The following MAGI2 variants were observed in gnomAD, a reference collection of about 807,000 sequenced individuals.
MAGI2 encodes the protein membrane-associated guanylate kinase, WW and PDZ domain-containing protein 2.
A neutral mutation model predicts 133.3 loss-of-function variants in MAGI2; 35 were observed. The observed-to-expected ratio is 0.26, with a 90% CI of 0.20 to 0.35. The LOEUF is 0.35. Among genes scored for constraint, MAGI2 ranks in the 10% least tolerant of loss-of-function variants. MAGI2 has a pLI of 1.00. For synonymous variants in MAGI2, 729 were observed against 710.6 expected, an observed-to-expected ratio of 1.03 and a Z score of -0.41; for missense variants, 1,636 against 1,863.4, an observed-to-expected ratio of 0.88 and a Z score of 2.25.
At chr7:79,099,570 C>T (rs1486209226) in intron 1 of MAGI2, among the ~76,000 whole-genome samples, 1 of 152,094 alleles carries the variant, frequency 6.6e-6, no homozygotes. Context: ...GATTATTTCA[C>T]CACTCAGGTA....
Position 78,468,685 on chromosome 7 carries a change from A to G in MAGI2, c.1045+21076T>C, listed in dbSNP as rs935497755. Among the ~76,000 whole-genome samples the G allele has an allele frequency of 3.9e-5, 6 of 152,262 alleles. No homozygotes were observed. In the East Asian group the frequency reaches 7.7e-4, roughly 20 times the overall value. The stretch of plus-strand genomic sequence containing the variant: ...TTTTTCATAGAAAAAAATCATGTCC[A>G]TGGAAATATATAGCTACTGGTTGCC... On this transcript the variant is annotated intron_variant, in intron 6 of 21. Transcript: ENST00000354212.
At chr7:79,067,151 A>C (rs1814432810) in intron 1 of MAGI2, among the ~76,000 whole-genome samples, 1 of 152,204 alleles carries the variant, frequency 6.6e-6, no homozygotes, top group African/African-American at 2.4e-5. Context: ...GAAGCAAGTC[A>C]ATGACAGCTT....
intron 9 of MAGI2, among the ~76,000 whole-genome samples, chr7:78,289,138 A>G (rs1796444254): frequency 1.3e-5 from 2 of 152,216 alleles, no homozygotes; most frequent in Non-Finnish European, 1.5e-5. Context: ...GCTTCAGATG[A>G]TCGGTAATAA....
chr7:78,862,044 T>C (rs1563593792), intron 2 of MAGI2, among the ~76,000 whole-genome samples: 1 of 152,228 alleles, frequency 6.6e-6, no homozygotes, highest in Admixed American at 6.5e-5. Flanking sequence ...TAAGCCTCCA[T>C]GATTCTACTC....
chr7:78,894,922 A>G (rs1797082169), intron 2 of MAGI2, among the ~76,000 whole-genome samples: 1 of 152,180 alleles, frequency 6.6e-6, no homozygotes, highest in Non-Finnish European at 1.5e-5. Flanking sequence ...TGAAACAGAG[A>G]TCTTAAGTAA....
intron 21 of MAGI2, among the ~76,000 whole-genome samples, chr7:78,042,112 T>G (rs184329299): frequency 1.8e-4 from 27 of 152,292 alleles, no homozygotes; most frequent in Non-Finnish European, 2.4e-4. Flanking sequence ...CCTTCTGATC[T>G]CAAATCAGTA....
At chr7:78,488,291 A>G (rs1263019732) in intron 6 of MAGI2, among the ~76,000 whole-genome samples, 1 of 152,082 alleles carries the variant, frequency 6.6e-6, no homozygotes, top group Non-Finnish European at 1.5e-5. Context: ...AATAACATTG[A>G]AATATTATAA....
chr7:78,454,544 T>A (rs1789095771), intron 6 of MAGI2, among the ~76,000 whole-genome samples: 1 of 152,214 alleles, frequency 6.6e-6, no homozygotes, highest in African/African-American at 2.4e-5. Flanking sequence ...TCTTATCATA[T>A]GATCCAGCAA....
chr7:78,963,678 G>T (rs1803056452), intron 2 of MAGI2, among the ~76,000 whole-genome samples: 1 of 151,704 alleles, frequency 6.6e-6, no homozygotes, highest in Admixed American at 6.6e-5. Flanking sequence ...ACTCCTGAAA[G>T]CTTGGCTTAA....
intron 10 of MAGI2, among the ~76,000 whole-genome samples, chr7:78,214,199 T>TA (rs112981921): frequency 1.3e-5 from 2 of 152,238 alleles, no homozygotes; most frequent in African/African-American, 4.8e-5. Flanking sequence ...TTGTGTGGTC[T>TA]TTGCATTTTG....
intron 1 of MAGI2, among the ~76,000 whole-genome samples, chr7:79,382,133 C>A (rs764831059): frequency 2.0e-5 from 3 of 151,578 alleles, no homozygotes; most frequent in Non-Finnish European, 4.4e-5. Context: ...AGTCTTGAAT[C>A]TAAATCTTAC....
At chr7:78,150,894 A>G (rs1056490599) in intron 16 of MAGI2, among the ~76,000 whole-genome samples, 2 of 152,134 alleles carry the variant, frequency 1.3e-5, no homozygotes, top group Non-Finnish European at 2.9e-5. Context: ...TTTTGAGGAT[A>G]AATAAGAATG....
intron 9 of MAGI2, among the ~76,000 whole-genome samples, chr7:78,294,827 T>A (rs983078315): frequency 6.6e-6 from 1 of 152,114 alleles, no homozygotes; most frequent in Admixed American, 6.6e-5. Context: ...GTTGCACTTG[T>A]AAGGCTGAAT....
intron 2 of MAGI2, among the ~76,000 whole-genome samples, chr7:78,830,187 T>C (rs1181858918): frequency 6.6e-6 from 1 of 152,130 alleles, no homozygotes; most frequent in Non-Finnish European, 1.5e-5. Context: ...AAAAATTATC[T>C]AAAAATTTTT....
At chr7:78,310,260 C>G (rs798284) in intron 9 of MAGI2, among the ~76,000 whole-genome samples, 76,075 of 151,134 alleles carry the variant, frequency 0.5, 19,543 homozygotes, top group Middle Eastern at 0.58. Context: ...CATGGTGAAA[C>G]CCCGTCTCTA....
chr7:78,710,064 C>A (rs1472144954), intron 2 of MAGI2, among the ~76,000 whole-genome samples: 1 of 152,114 alleles, frequency 6.6e-6, no homozygotes, highest in Admixed American at 6.5e-5. Context: ...AGGGAAGGGA[C>A]CTTTCACGAG....
intron 9 of MAGI2, among the ~76,000 whole-genome samples, chr7:78,293,950 G>A (rs531602678): frequency 6.6e-6 from 1 of 152,190 alleles, no homozygotes; most frequent in African/African-American, 2.4e-5. Context: ...TTGGGGGAGG[G>A]ATAGCATCAG....
chr7:78,075,440 G>T (rs111474749), intron 21 of MAGI2, among the ~76,000 whole-genome samples: 7,547 of 146,752 alleles, frequency 0.051, 233 homozygotes, highest in African/African-American at 0.082. Flanking sequence ...GCAGTGGCAC[G>T]ATCTCTGCTC....
At chr7:78,316,664 A>G (rs116341520) in intron 9 of MAGI2, among the ~76,000 whole-genome samples, 71 of 152,332 alleles carry the variant, frequency 4.7e-4, no homozygotes, top group African/African-American at 1.7e-3. Flanking sequence ...TTCTAGAAAA[A>G]GCCATGGTAA....
Sources: gnomAD v4.1 joint callset for allele counts (sites outside exome capture counted in the v4.1 genomes callset) on GRCh38, gnomAD v4.1.1 for gene constraint, MANE v1.5 for transcripts, NCBI Gene and HGNC (gene_info 2026-07-23, HGNC 2026-07-21) for gene names.